LRRN2: variants seen among roughly 807,000 people sequenced by gnomAD.
The protein encoded by LRRN2 is leucine-rich repeat neuronal protein 2.
A neutral mutation model predicts 35.7 loss-of-function variants in LRRN2; 10 were observed. The observed-to-expected ratio is 0.28, with a 90% CI of 0.17 to 0.47. LRRN2 has a LOEUF of 0.47. Among genes scored for constraint, LRRN2 ranks in the 20% least tolerant of loss-of-function variants. LRRN2 has a pLI of 0.99. For synonymous variants in LRRN2, 391 were observed against 409.6 expected (o/e 0.95, Z 0.55); for missense variants, 731 against 940.3 (o/e 0.78, Z 2.91).
chr1:204,684,177 C>A (rs1305090786), intron 1 of LRRN2, among the ~76,000 whole-genome samples: 3 of 152,110 alleles, frequency 2.0e-5, no homozygotes, highest in Admixed American at 6.5e-5. Flanking sequence ...GGCAGGGAGT[C>A]ACCTCTACTG....
At chr1:204,655,672 A>G (rs1571667301) in intron 1 of LRRN2, among the ~76,000 whole-genome samples, 4 of 150,364 alleles carry the variant, frequency 2.7e-5, no homozygotes, top group African/African-American at 9.8e-5. Context: ...CACCAATTCC[A>G]TGTATTTTCT....
At chr1:204,685,032 C>G (rs912476141) in intron 1 of LRRN2, among the ~76,000 whole-genome samples, 29 of 152,118 alleles carry the variant, frequency 1.9e-4, no homozygotes, top group Non-Finnish European at 7.4e-5. Context: ...TCTCCCTGGC[C>G]GCTTCTGGGC....
At chr1:204,663,375 T>G (rs1286072806) in intron 1 of LRRN2, among the ~76,000 whole-genome samples, 1 of 152,186 alleles carries the variant, frequency 6.6e-6, no homozygotes, top group African/African-American at 2.4e-5. Flanking sequence ...ACACAACATG[T>G]GAGGAGTACA....
intron 1 of LRRN2, among the ~76,000 whole-genome samples, chr1:204,678,785 A>G (rs1190228200): frequency 6.6e-6 from 1 of 152,038 alleles, no homozygotes; most frequent in African/African-American, 2.4e-5. Flanking sequence ...CCTGCACAAG[A>G]TAACAAACTC....
intron 1 of LRRN2, chr1:204,628,909 G>A (rs1432347558): frequency 6.6e-6 from 1 of 152,304 alleles, no homozygotes; most frequent in African/African-American, 2.4e-5. Context: ...GCCCCTCCCA[G>A]AAGAGTTCTA....
chr1:204,671,665 A>AG (rs2102240315), intron 1 of LRRN2, among the ~76,000 whole-genome samples: 1 of 149,754 alleles, frequency 6.7e-6, no homozygotes, highest in East Asian at 1.9e-4. Context: ...AAAAAAAAAA[A>AG]AAAAAGCAAA....
Position 204,617,840 on chromosome 1 carries a change from C to T in LRRN2, c.*11G>A, listed in dbSNP as rs765970710. ...CTAGTGATTTCTCTACTGCTGAGAA[C>T]AGGCTGAGCTTCAAGAATTTTGAGA... On this transcript the variant is annotated 3_prime_UTR_variant, in exon 2 of 2. Coordinates refer to ENST00000367177, the MANE Select transcript of LRRN2 (RefSeq NM_201630.2). 19 of 1,613,672 alleles carry T rather than the reference C, an allele frequency of 1.2e-5. No homozygotes were observed. In the South Asian group the frequency reaches 2.1e-4, roughly 18 times the overall value.
Position 204,638,402 on chromosome 1 carries a change from C to CTTTT in LRRN2, c.-226-18188_-226-18185dup, listed in dbSNP as rs971289134. Among the ~76,000 whole-genome samples, 245 of 71,658 alleles carry CTTTT rather than the reference C, an allele frequency of 3.4e-3. 62 individuals are homozygous for CTTTT. The highest frequency in any genetic ancestry group is 0.012 in the African/African-American group (192 of 15,612). The allele number at this position is 71,658 out of a possible 152,430, so 47.0% of individuals were successfully genotyped here. ...GTGAAGTAACTTGCCCAAGGTCTTCCTTTTTTTTTTTTTTTTTTTTTTTTT... is the reference window on the plus strand; with the variant it reads ...GTGAAGTAACTTGCCCAAGGTCTTCCTTTTTTTTTTTTTTTTTTTTTTTTTTTTT... On this transcript the variant is annotated intron_variant, in intron 1 of 1. Transcript: ENST00000367177.
At chr1:204,633,810 G>C (rs1018556583) in intron 1 of LRRN2, among the ~76,000 whole-genome samples, 1 of 152,224 alleles carries the variant, frequency 6.6e-6, no homozygotes, top group Non-Finnish European at 1.5e-5. Flanking sequence ...ATTTCCAGTT[G>C]ACTTATTCAA....
chr1:204,671,137 C>T (rs1668700560), intron 1 of LRRN2, among the ~76,000 whole-genome samples: 1 of 152,000 alleles, frequency 6.6e-6, no homozygotes, highest in Non-Finnish European at 1.5e-5. Context: ...AGAGGACTGG[C>T]CCAGAGGCAG....
chr1:204,671,397 GTGTGTT>G lies in LRRN2; in HGVS notation c.-227+13917_-227+13922del, dbSNP rs1389510624. ...AGTTTGTAGAAGTAGCAATCTGTTT[GTGTGTT>G]TGTGTGTGTGTGTGTGTGTGTGTGT... On this transcript the variant is annotated intron_variant, in intron 1 of 1. Transcript: ENST00000367177. Among the ~76,000 whole-genome samples the G allele has an allele frequency of 2.5e-3, 355 of 141,714 alleles. 4 individuals are homozygous for G. The highest frequency in any genetic ancestry group is 8.2e-3 in the African/African-American group (296 of 36,180). The allele number at this position is 141,714 out of a possible 152,430, so 93.0% of individuals were successfully genotyped here.
chr1:204,660,798 T>C (rs907004054), intron 1 of LRRN2, among the ~76,000 whole-genome samples: 2 of 152,156 alleles, frequency 1.3e-5, no homozygotes, highest in African/African-American at 4.8e-5. Context: ...TTCCATCTCA[T>C]TTGTCTTTTC....
intron 1 of LRRN2, among the ~76,000 whole-genome samples, chr1:204,651,090 G>A (rs903347575): frequency 6.6e-6 from 1 of 152,172 alleles, no homozygotes; most frequent in Admixed American, 6.5e-5. Context: ...GGCAGAAGAG[G>A]GATTCCAAGC....
At chr1:204,634,658 C>T (rs752350490) in intron 1 of LRRN2, among the ~76,000 whole-genome samples, 3 of 152,174 alleles carry the variant, frequency 2.0e-5, no homozygotes, top group African/African-American at 4.8e-5. Flanking sequence ...TGGCCACCAC[C>T]AGAAAGCAGG....
intron 1 of LRRN2, among the ~76,000 whole-genome samples, chr1:204,622,819 C>T (rs919012426): frequency 1.2e-4 from 19 of 152,104 alleles, no homozygotes; most frequent in African/African-American, 3.4e-4. Context: ...ACCCAAATCG[C>T]GGCCCTACCA....
At chr1:204,665,253 C>T (rs1312882422) in intron 1 of LRRN2, among the ~76,000 whole-genome samples, 4 of 152,086 alleles carry the variant, frequency 2.6e-5, no homozygotes, top group Non-Finnish European at 4.4e-5. Context: ...GGTCTCAGGG[C>T]GCAATCCCAC....
At chr1:204,639,252 C>T (rs1361429714) in intron 1 of LRRN2, among the ~76,000 whole-genome samples, 1 of 152,240 alleles carries the variant, frequency 6.6e-6, no homozygotes, top group Admixed American at 6.5e-5. Context: ...ATCCTGTGTA[C>T]AGGATCACAG....
intron 1 of LRRN2, among the ~76,000 whole-genome samples, chr1:204,658,389 G>GA (rs1404733530): frequency 2.6e-5 from 4 of 152,216 alleles, no homozygotes; most frequent in African/African-American, 7.2e-5. Context: ...CCAGCTGGAA[G>GA]AAATGACCAA....
chr1:204,637,082 T>G (rs1667851698), intron 1 of LRRN2, among the ~76,000 whole-genome samples: 1 of 151,962 alleles, frequency 6.6e-6, no homozygotes, highest in East Asian at 1.9e-4. Flanking sequence ...AATGGTAGAG[T>G]CTAGGTGGTG....
Sources: allele counts gnomAD v4.1 joint callset (sites outside exome capture counted in the v4.1 genomes callset), GRCh38; gene constraint gnomAD v4.1.1; transcripts MANE v1.5; gene names NCBI Gene and HGNC (gene_info 2026-07-23, HGNC 2026-07-21).